The following C2orf92 variants were observed in gnomAD, a reference collection of about 807,000 sequenced individuals.
C2orf92 encodes the protein chromosome 2 open reading frame 92.
chr2:97,684,936 A>AT (rs141197635), intron 3 of C2orf92, among the ~76,000 whole-genome samples: 73,441 of 150,212 alleles, frequency 0.49, 20,362 homozygotes, highest in Non-Finnish European at 0.64. Flanking sequence ...TTTTATTTTT[A>AT]TTTTTATTTT....
chr2:97,683,926 G>A (rs187744683), intron 3 of C2orf92, among the ~76,000 whole-genome samples: 2,355 of 150,076 alleles, frequency 0.016, 18 homozygotes, highest in Non-Finnish European at 0.026. Context: ...GTGCAGTGGC[G>A]CGATCTTGGC....
chr2:97,690,135 CA>C (rs201759698), intron 4 of C2orf92, 120 bp from the exon 5 acceptor site: 19 of 320,722 alleles, frequency 5.9e-5, no homozygotes, highest in Middle Eastern at 8.2e-4. Flanking sequence ...TCTCAAAAGA[CA>C]AAAAAAAACC....
upstream of C2orf92, chr2:97,669,449 C>T (rs1675336738): frequency 5.2e-6 from 1 of 193,946 alleles, no homozygotes; most frequent in Admixed American, 6.1e-5. Context: ...TAGCTACTTC[C>T]AATTCGCTTC....
At chr2:97,683,263 C>T (rs187068347) in intron 3 of C2orf92, among the ~76,000 whole-genome samples, 150 of 152,008 alleles carry the variant, frequency 9.9e-4, no homozygotes, top group African/African-American at 3.4e-3. Context: ...ACGATTATAT[C>T]AAAAAGAATA....
intron 5 of C2orf92, among the ~76,000 whole-genome samples, chr2:97,691,896 C>A (rs968426055): frequency 1.3e-5 from 2 of 152,194 alleles, no homozygotes; most frequent in Non-Finnish European, 1.5e-5. Flanking sequence ...GCTGGGATTA[C>A]AGGCATGAGC....
At chr2:97,677,919 T>G (rs1352523869) in intron 3 of C2orf92, among the ~76,000 whole-genome samples, 2 of 152,134 alleles carry the variant, frequency 1.3e-5, no homozygotes, top group Non-Finnish European at 1.5e-5. Flanking sequence ...AAAAGTGTAA[T>G]AAATGAATAC....
intron 5 of C2orf92, 38 bp from the exon 6 acceptor site, chr2:97,698,988 A>G (rs868383260): frequency 7.5e-6 from 3 of 398,280 alleles, no homozygotes; most frequent in African/African-American, 4.1e-5. Flanking sequence ...ATCACATGCC[A>G]TGGTTGTTTG....
intron 4 of C2orf92, among the ~76,000 whole-genome samples, chr2:97,689,749 G>A (rs543566846): frequency 7.2e-5 from 11 of 152,180 alleles, no homozygotes; most frequent in East Asian, 1.9e-4. Flanking sequence ...GCAGTGAGGC[G>A]GCACCACTGT....
intron 4 of C2orf92, among the ~76,000 whole-genome samples, chr2:97,689,701 G>C (rs539091707): frequency 1.3e-5 from 2 of 152,248 alleles, no homozygotes; most frequent in East Asian, 3.9e-4. Flanking sequence ...TTTCCCTGAG[G>C]GTAGCCCAGG....
chr2:97,685,145 G>A (rs1675911388), intron 3 of C2orf92, among the ~76,000 whole-genome samples: 1 of 151,834 alleles, frequency 6.6e-6, no homozygotes, highest in Admixed American at 6.6e-5. Flanking sequence ...TAGCCAGGAT[G>A]GTCTCGATCT....
chr2:97,674,666 T>A (rs1362992176), intron 2 of C2orf92, 109 bp downstream of exon 2: 2 of 395,944 alleles, frequency 5.1e-6, no homozygotes, highest in Non-Finnish European at 8.9e-6. Flanking sequence ...ACTACTGTGG[T>A]GGAGGGGGTG....
At chr2:97,700,885 A>G (rs1034479694) in intron 6 of C2orf92, among the ~76,000 whole-genome samples, 1 of 151,608 alleles carries the variant, frequency 6.6e-6, no homozygotes, top group Non-Finnish European at 1.5e-5. Context: ...GCCCGCCACC[A>G]CGCCCGGCTA....
intron 3 of C2orf92, 32 bp downstream of exon 3, chr2:97,675,960 C>T (rs1285269544): frequency 1.5e-5 from 6 of 398,452 alleles, no homozygotes; most frequent in Non-Finnish European, 4.4e-6. Flanking sequence ...AGCCTTTAGC[C>T]TGTGTTTGAA....
At chr2:97,684,249 A>T (rs1021509672) in intron 3 of C2orf92, among the ~76,000 whole-genome samples, 3 of 151,960 alleles carry the variant, frequency 2.0e-5, no homozygotes, top group Admixed American at 6.6e-5. Flanking sequence ...GGTAGCCAGG[A>T]TGGTTTCGAT....
At chr2:97,701,940 A>G (rs2104612963) in intron 7 of C2orf92, 1 of 152,396 alleles carries the variant, frequency 6.6e-6, no homozygotes, top group African/African-American at 2.4e-5. Flanking sequence ...AGGCCTCTAG[A>G]TGAGGGGGCT....
intron 2 of C2orf92, chr2:97,675,633 T>C (rs1675549427): frequency 5.1e-6 from 2 of 390,808 alleles, no homozygotes; most frequent in East Asian, 7.2e-5. Flanking sequence ...GTCAACAGAC[T>C]ATGTGAAAAT....
intron 3 of C2orf92, among the ~76,000 whole-genome samples, chr2:97,687,854 T>A (rs1368790906): frequency 6.7e-6 from 1 of 150,268 alleles, no homozygotes; most frequent in Admixed American, 6.6e-5. Context: ...AGGGGATGCA[T>A]GAGCAGATGC....
chr2:97,680,824 G>T (rs1675745140), intron 3 of C2orf92, among the ~76,000 whole-genome samples: 2 of 152,182 alleles, frequency 1.3e-5, no homozygotes, highest in African/African-American at 4.8e-5. Flanking sequence ...TACTCAGGAG[G>T]CTGAGGCAGG....
At chr2:97,690,114 G>T in intron 4 of C2orf92, 142 bp from the exon 5 acceptor site, 1 of 346,972 alleles carries the variant, frequency 2.9e-6, no homozygotes, top group Non-Finnish European at 5.2e-6. Flanking sequence ...CTGGGTGACT[G>T]CGAGACTCTG....
Sources: gnomAD v4.1 joint callset for allele counts (sites outside exome capture counted in the v4.1 genomes callset) on GRCh38, gnomAD v4.1.1 for gene constraint, MANE v1.5 for transcripts, NCBI Gene and HGNC (gene_info 2026-07-23, HGNC 2026-07-21) for gene names.